The following NKAIN2 variants were observed in gnomAD, a reference collection of about 807,000 sequenced individuals.
NKAIN2 encodes the protein sodium/potassium-transporting ATPase subunit beta-1-interacting protein 2.
A neutral mutation model predicts 32.6 loss-of-function variants in NKAIN2; 14 were observed. The observed-to-expected ratio is 0.43, with a 90% confidence interval of 0.28 to 0.67. The LOEUF (loss-of-function observed/expected upper bound fraction) is 0.67. Ranked by LOEUF, NKAIN2 falls within the 30% of genes least tolerant of loss-of-function variation. The pLI, the probability that NKAIN2 is intolerant of heterozygous loss-of-function variation, is 0.17. For synonymous variants in NKAIN2, 80 were observed against 87.2 expected (o/e 0.92, Z 0.46); for missense variants, 198 against 258.3 (o/e 0.77, Z 1.60).
chr6:124,436,308 C>T (rs1775441892), intron 3 of NKAIN2, among the ~76,000 whole-genome samples: 1 of 152,120 alleles, frequency 6.6e-6, no homozygotes, highest in African/African-American at 2.4e-5. Context: ...TTCTCAGCTC[C>T]TTCCTCTAAG....
chr6:124,297,858 T>A (rs936061012), intron 2 of NKAIN2, among the ~76,000 whole-genome samples: 2 of 152,122 alleles, frequency 1.3e-5, no homozygotes, highest in Non-Finnish European at 2.9e-5. Context: ...TCATAAGAAG[T>A]TGAGGTCCCA....
rs1277237742 is a variant in NKAIN2 at position 124,432,297 on chromosome 6, G to A, written c.273+76950G>A. Among the ~76,000 whole-genome samples the A allele has an allele frequency of 5.3e-5, 8 of 152,104 alleles. 1 individual carries two copies. Among genetic ancestry groups the A allele is most frequent in the Admixed American group, 5.2e-4 (8 of 15,262 alleles). On this transcript the variant is annotated intron_variant, in intron 3 of 6. Coordinates refer to ENST00000368417, the MANE Select transcript of NKAIN2 (RefSeq NM_001040214.3). ...AATGCCCCTCACAGGCAGGCAACAT[G>A]GGCTTGATATGTTATTGTCAAGCCA... is the stretch of plus-strand genomic sequence containing the variant.
At chr6:124,006,427 C>A (rs900453095) in intron 1 of NKAIN2, among the ~76,000 whole-genome samples, 5 of 152,166 alleles carry the variant, frequency 3.3e-5, no homozygotes, top group Non-Finnish European at 5.9e-5. Flanking sequence ...GGGCGAGATG[C>A]ATTAGTTAGC....
At position 123,871,289 on chromosome 6, in the gene NKAIN2, T is replaced by C. The variant is rs944309069; in HGVS notation, c.54+67035T>C. 2.0e-5 allele frequency among the ~76,000 whole-genome samples: 3 copies of C among 152,208 alleles called. No homozygotes were observed. In the East Asian group the frequency reaches 5.8e-4, roughly 29 times the overall value. On this transcript the variant is annotated intron_variant, in intron 1 of 6. Coordinates refer to ENST00000368417, the MANE Select transcript of NKAIN2 (RefSeq NM_001040214.3). ...AATAATGATCTTTTTTATTATTGAT[T>C]TATTTGTTCACCACTTCATCCCCAA... is the stretch of plus-strand genomic sequence containing the variant.
intron 3 of NKAIN2, among the ~76,000 whole-genome samples, chr6:124,533,802 G>A (rs1779616673): frequency 6.6e-6 from 1 of 152,142 alleles, no homozygotes; most frequent in Admixed American, 6.5e-5. Context: ...TTGGGAAGCT[G>A]AGAAGTCCAA....
chr6:124,454,500 G>A (rs937373957), intron 3 of NKAIN2, among the ~76,000 whole-genome samples: 7 of 151,962 alleles, frequency 4.6e-5, no homozygotes, highest in Admixed American at 2.0e-4. Context: ...ATTGCTTGAG[G>A]TGAATGATAA....
At chr6:124,818,262 ATTAG>A (rs947494647) in intron 5 of NKAIN2, 121 bp from the exon 6 acceptor site, 39 of 441,864 alleles carry the variant, frequency 8.8e-5, no homozygotes, top group East Asian at 4.7e-4. Context: ...TTTCTTCACA[ATTAG>A]TTACTTTTAG....
intron 1 of NKAIN2, among the ~76,000 whole-genome samples, chr6:124,271,451 C>T (rs184339948): frequency 7.4e-4 from 112 of 152,262 alleles, no homozygotes; most frequent in Non-Finnish European, 9.6e-4. Flanking sequence ...CTCCTGACCT[C>T]GTGATCCACC....
intron 3 of NKAIN2, among the ~76,000 whole-genome samples, chr6:124,405,712 A>G (rs116626203): frequency 0.028 from 4,209 of 152,196 alleles, 194 homozygotes; most frequent in African/African-American, 0.096. Flanking sequence ...ATATTAGGAA[A>G]CCCAAGTGAA....
intron 1 of NKAIN2, among the ~76,000 whole-genome samples, chr6:123,968,595 A>G (rs1778198131): frequency 6.6e-6 from 1 of 152,126 alleles, no homozygotes. Flanking sequence ...ATGGGATCCT[A>G]GCTTTCTCTA....
rs183134393 is a variant in NKAIN2, at chr6:124,041,039, A to T, written c.54+236785A>T. Among the ~76,000 whole-genome samples, 351 of 152,122 alleles carry T rather than the reference A, an allele frequency of 2.3e-3. 1 individual carries two copies. Among genetic ancestry groups the T allele is most frequent in the Non-Finnish European group, 3.8e-3 (259 of 67,948 alleles). On this transcript the variant is annotated intron_variant, in intron 1 of 6. Transcript: ENST00000368417. ...TTTTTGTACATTTTTATTTATTTGT[A>T]TAGTTCAGAAATTGGGAGAGTAATT...
chr6:124,389,084 A>G (rs1294359894), intron 3 of NKAIN2, among the ~76,000 whole-genome samples: 1 of 152,156 alleles, frequency 6.6e-6, no homozygotes, highest in Non-Finnish European at 1.5e-5. Context: ...ATACAAAATT[A>G]TATATTGATG....
intron 2 of NKAIN2, among the ~76,000 whole-genome samples, chr6:124,328,436 T>C (rs1797506336): frequency 6.6e-6 from 1 of 152,212 alleles, no homozygotes; most frequent in Non-Finnish European, 1.5e-5. Flanking sequence ...GAATCTCATT[T>C]TGTGTTGGAG....
chr6:124,332,970 A>G (rs766833939), intron 2 of NKAIN2, among the ~76,000 whole-genome samples: 69 of 152,354 alleles, frequency 4.5e-4, no homozygotes, highest in Middle Eastern at 6.8e-3. Flanking sequence ...ACTTAAACTC[A>G]GGTCTCCAAA....
At chr6:124,415,292 A>T (rs1315718558) in intron 3 of NKAIN2, among the ~76,000 whole-genome samples, 1 of 152,192 alleles carries the variant, frequency 6.6e-6, no homozygotes, top group Non-Finnish European at 1.5e-5. Flanking sequence ...CCCCTTCTTG[A>T]AGTTGACTAA....
Position 123,911,805 on chromosome 6 carries a change from A to ATATATATATGTGTATATATATATATATG in NKAIN2, c.54+107559_54+107560insTGTGTATATATATATATATGTATATATA, listed in dbSNP as rs1271100335. 3.2e-4 allele frequency among the ~76,000 whole-genome samples: 33 copies of ATATATATATGTGTATATATATATATATG among 102,682 alleles called. 3 individuals carry two copies. Among genetic ancestry groups the ATATATATATGTGTATATATATATATATG allele is most frequent in the African/African-American group, 1.5e-3 (33 of 22,280 alleles). The allele number at this position is 102,682 out of a possible 152,430, so 67.4% of individuals were successfully genotyped here. ...TACATATATATATATATATATGTAT[A>ATATATATATGTGTATATATATATATATG]TATATATACACACACACACACACAC... On this transcript the variant is annotated intron_variant, in intron 1 of 6. Transcript: ENST00000368417.
intron 5 of NKAIN2, among the ~76,000 whole-genome samples, chr6:124,802,713 G>A (rs1452536297): frequency 2.0e-5 from 3 of 152,132 alleles, no homozygotes; most frequent in Admixed American, 6.5e-5. Context: ...AAGATGCCCA[G>A]TTCTGAAATT....
chr6:124,280,631 A>G (rs933354602), intron 1 of NKAIN2, among the ~76,000 whole-genome samples: 4 of 152,166 alleles, frequency 2.6e-5, no homozygotes, highest in African/African-American at 9.6e-5. Flanking sequence ...CCCAGCATAC[A>G]GTAGGTGTTC....
chr6:124,746,409 T>C (rs1466032832), intron 4 of NKAIN2, among the ~76,000 whole-genome samples: 3 of 151,866 alleles, frequency 2.0e-5, no homozygotes, highest in East Asian at 3.9e-4. Flanking sequence ...CTAAAAGTCT[T>C]CACTTTTACC....
Sources: allele counts gnomAD v4.1 joint callset (sites outside exome capture counted in the v4.1 genomes callset), GRCh38; gene constraint gnomAD v4.1.1; transcripts MANE v1.5; gene names NCBI Gene and HGNC (gene_info 2026-07-23, HGNC 2026-07-21).